IGSF21: variants seen among roughly 807,000 people sequenced by gnomAD.
IGSF21 encodes immunoglobulin superfamily member 21.
Under a neutral mutation model 46.8 loss-of-function variants are expected in IGSF21, and 28 were observed. The ratio of observed to expected loss-of-function variants is 0.60; its 90% CI spans 0.44 to 0.82. IGSF21 has a LOEUF of 0.82. Among genes scored for constraint, IGSF21 ranks in the 40% least tolerant of loss-of-function variants. IGSF21 has a pLI of 0.00. For synonymous variants in IGSF21, 284 were observed against 273.6 expected (o/e 1.04, Z -0.38); for missense variants, 624 against 665.5 (o/e 0.94, Z 0.69).
At chr1:18,126,867 GC>G (rs1282039855) in intron 1 of IGSF21, among the ~76,000 whole-genome samples, 1 of 151,972 alleles carries the variant, frequency 6.6e-6, no homozygotes, top group Non-Finnish European at 1.5e-5. Flanking sequence ...ACCAGGAACA[GC>G]CAGGGTGTCA....
rs563072400 is a variant in IGSF21, at chr1:18,193,028, A to G, written c.71-34870A>G. ...AATGGGCAGCAGGTAGCAACCCCCA[A>G]GCAGAGAGACAAGCACACCAAGTTC... On this transcript the variant is annotated intron_variant, in intron 1 of 9. Transcript: ENST00000251296. Among the ~76,000 whole-genome samples, 224 of 152,056 alleles carry G rather than the reference A, an allele frequency of 1.5e-3. 1 individual carries two copies. The highest frequency in any genetic ancestry group is 5.2e-3 in the African/African-American group (214 of 41,460).
At chr1:18,163,655 A>G (rs1158779211) in intron 1 of IGSF21, among the ~76,000 whole-genome samples, 1 of 152,054 alleles carries the variant, frequency 6.6e-6, no homozygotes, top group Non-Finnish European at 1.5e-5. Flanking sequence ...AGAGACCTGC[A>G]TTTTTCCAAC....
intron 2 of IGSF21, among the ~76,000 whole-genome samples, chr1:18,272,326 TG>T (rs575167407): frequency 3.0e-5 from 2 of 65,802 alleles, no homozygotes; most frequent in Non-Finnish European, 6.3e-5. Context: ...GGGGGTGGGG[TG>T]GGGGGGACAC....
chr1:18,315,892 G>T (rs565319730), intron 3 of IGSF21, among the ~76,000 whole-genome samples: 2 of 152,070 alleles, frequency 1.3e-5, no homozygotes, highest in African/African-American at 4.8e-5. Flanking sequence ...TGGATGGATG[G>T]ATGGGTGGAT....
chr1:18,119,919 A>T (rs2086219698), intron 1 of IGSF21, among the ~76,000 whole-genome samples: 1 of 152,254 alleles, frequency 6.6e-6, no homozygotes, highest in African/African-American at 2.4e-5. Flanking sequence ...TTAAGTACAT[A>T]GTGGAGCAGG....
intron 1 of IGSF21, among the ~76,000 whole-genome samples, chr1:18,133,129 G>A (rs981168403): frequency 6.6e-6 from 1 of 152,178 alleles, no homozygotes; most frequent in Non-Finnish European, 1.5e-5. Context: ...TAAAATTAGC[G>A]TCTCCATAAA....
chr1:18,188,788 C>T (rs1243677914), intron 1 of IGSF21, among the ~76,000 whole-genome samples: 4 of 152,206 alleles, frequency 2.6e-5, no homozygotes, highest in Non-Finnish European at 5.9e-5. Flanking sequence ...GAAGCAAAGT[C>T]AGTTGATCAA....
At chr1:18,250,383 C>T (rs12043909) in intron 2 of IGSF21, among the ~76,000 whole-genome samples, 349 of 151,546 alleles carry the variant, frequency 2.3e-3, no homozygotes, top group African/African-American at 7.8e-3. Context: ...ACAGCTGCCC[C>T]GTCCACACCA....
chr1:18,325,313 G>A (rs2085646867), intron 3 of IGSF21, among the ~76,000 whole-genome samples: 1 of 152,124 alleles, frequency 6.6e-6, no homozygotes, highest in African/African-American at 2.4e-5. Context: ...CAAGCACTAG[G>A]CTCTGGTATT....
At chr1:18,152,928 T>C (rs754746005) in intron 1 of IGSF21, among the ~76,000 whole-genome samples, 7 of 152,148 alleles carry the variant, frequency 4.6e-5, no homozygotes, top group African/African-American at 1.7e-4. Context: ...GGCTATCTTA[T>C]AGGGTACAGG....
chr1:18,241,375 AT>A (rs1178454214), intron 2 of IGSF21, among the ~76,000 whole-genome samples: 2 of 152,140 alleles, frequency 1.3e-5, no homozygotes, highest in African/African-American at 2.4e-5. Context: ...TTCTGGGGAT[AT>A]CAGAGACCTC....
At position 18,322,839 on chromosome 1, in the gene IGSF21, G is replaced by C. The variant is rs934190420; in HGVS notation, c.306-12053G>C. ...AGCCAGAGTCTGGAAAAGAGGCCTG[G>C]AGAGGAAGCCGGTGGAGAAGAGCGG... On this transcript the variant is annotated intron_variant, in intron 3 of 9. Transcript: ENST00000251296. The surrounding 1 kb of genome is among the most constrained non-coding windows in gnomAD (Gnocchi z 4.3). Among the ~76,000 whole-genome samples, 2 of 152,234 alleles carry C rather than the reference G, an allele frequency of 1.3e-5. No homozygotes were observed. Among genetic ancestry groups the C allele is most frequent in the Non-Finnish European group, 2.9e-5 (2 of 68,044 alleles).
At chr1:18,248,436 A>G (rs223196) in intron 2 of IGSF21, among the ~76,000 whole-genome samples, 9,808 of 152,134 alleles carry the variant, frequency 0.064, 1,049 homozygotes, top group African/African-American at 0.22. Flanking sequence ...CTTTGTAGAA[A>G]AGTGATGCTG....
chr1:18,125,626 T>G (rs953244209), intron 1 of IGSF21, among the ~76,000 whole-genome samples: 8 of 152,266 alleles, frequency 5.3e-5, no homozygotes, highest in African/African-American at 1.9e-4. Context: ...TCATGTTTAT[T>G]GGACCCCTGC....
chr1:18,211,265 T>G (rs1419399972), intron 1 of IGSF21, among the ~76,000 whole-genome samples: 1 of 152,180 alleles, frequency 6.6e-6, no homozygotes, highest in Non-Finnish European at 1.5e-5. Context: ...CTGCCCAGCT[T>G]GAAGAGTCTG....
chr1:18,317,417 C>A (rs1481767595), intron 3 of IGSF21, among the ~76,000 whole-genome samples: 1 of 152,158 alleles, frequency 6.6e-6, no homozygotes, highest in Non-Finnish European at 1.5e-5. Flanking sequence ...GAGGTTTGAC[C>A]CCAAGTCTGT....
intron 1 of IGSF21, among the ~76,000 whole-genome samples, chr1:18,148,511 G>A (rs955258880): frequency 1.3e-5 from 2 of 152,184 alleles, no homozygotes; most frequent in Non-Finnish European, 2.9e-5. Flanking sequence ...CTTGCCCAAG[G>A]CCACACAGCT....
intron 2 of IGSF21, among the ~76,000 whole-genome samples, chr1:18,256,122 G>A (rs544333058): frequency 6.6e-6 from 1 of 152,190 alleles, no homozygotes; most frequent in East Asian, 1.9e-4. Flanking sequence ...CATGCAATGG[G>A]GCTTCTTTCT....
At position 18,335,805 on chromosome 1, in the gene IGSF21, G is replaced by A. The variant is rs1040448612; in HGVS notation, c.424+795G>A. Among the ~76,000 whole-genome samples, 1 of 152,166 alleles carries A rather than the reference G, an allele frequency of 6.6e-6. No homozygotes were observed. Among genetic ancestry groups the A allele is most frequent in the African/African-American group, 2.4e-5 (1 of 41,422 alleles). ...GCCCTGCTGAAAGCCGCCGCTTCTGGGGAAATTGAAAACCTCCAAAGGCCA... is the reference window on the plus strand; with the variant it reads ...GCCCTGCTGAAAGCCGCCGCTTCTGAGGAAATTGAAAACCTCCAAAGGCCA... On this transcript the variant is annotated intron_variant, in intron 4 of 9. Coordinates refer to ENST00000251296, the MANE Select transcript of IGSF21 (RefSeq NM_032880.5). This position sits in a 1 kb window ranked among gnomAD's most constrained non-coding sequence, Gnocchi z 4.8.
Sources: gnomAD v4.1 joint callset for allele counts (sites outside exome capture counted in the v4.1 genomes callset) on GRCh38, gnomAD v4.1.1 for gene constraint, Gnocchi (gnomAD v3.1) non-coding constraint, MANE v1.5 for transcripts, NCBI Gene and HGNC (gene_info 2026-07-23, HGNC 2026-07-21) for gene names.